The following H4C4 variants were observed in gnomAD, a reference collection of about 807,000 sequenced individuals.
The protein encoded by H4C4 is histone H4.
H4C4 carries 8 observed loss-of-function variants against 4.4 expected under a neutral mutation model. That is an observed-to-expected ratio of 1.81 (90% CI 1.06 to 3.27). The LOEUF (loss-of-function observed/expected upper bound fraction) is 3.27. Ranked by LOEUF, H4C4 falls within the 30% of genes most tolerant of loss-of-function variation. H4C4 has a pLI of 0.00. For missense variants in H4C4, 223 were observed against 148.9 expected (o/e 1.50, Z -2.59); for synonymous variants, 130 against 59.4 (o/e 2.19, Z -5.46).
chr6:26,189,094 T>A lies in H4C4; in HGVS notation c.-18A>T, dbSNP rs776818972. 1 of 1,560,460 alleles carries A rather than the reference T, an allele frequency of 6.4e-7. No homozygotes were observed. The highest frequency in any genetic ancestry group is 8.7e-7 in the Non-Finnish European group (1 of 1,151,884). On this transcript the variant is annotated 5_prime_UTR_variant, in exon 1 of 1. Transcript: ENST00000614247. ...CCAGACATCTTGAAACCACAGCTGT[T>A]AAATCTGTAACGCAATACGTCTGGC...
Position 26,188,997 on chromosome 6 carries a change from A to C in H4C4, c.80T>G (p.Ile27Ser), listed in dbSNP as rs750884941. Residue 27 changes from isoleucine to serine, a missense_variant, in exon 1 of 1, where the codon ATC (isoleucine) becomes AGC (serine). By Grantham distance (142) the Ile-to-Ser change is moderately radical. Transcript: ENST00000614247. ...KRHRKVLRDN[I>S]QGITKPAIRR... Reference sequence around the variant, plus strand: ...GATAGCGGGCTTGGTGATTCCTTGGATATTGTCACGCAATACCTTACGGTG... The same window carrying C: ...GATAGCGGGCTTGGTGATTCCTTGGCTATTGTCACGCAATACCTTACGGTG... 5.0e-5 allele frequency: 81 copies of C among 1,614,052 alleles called. 1 individual carries two copies. In the South Asian group the frequency reaches 8.3e-4, roughly 17 times the overall value.
In H4C4 at chr6:26,189,052, T is replaced by G. The variant is rs1461024103; in HGVS notation, c.25A>C (p.Lys9Gln). ...TTGGCGCCACCCTTACCTAGACCCT[T>G]TCCGCCCTTACCGCGGCCAGACATC... is the stretch of plus-strand genomic sequence containing the variant. MSGRGKGGKGLGKGGAKRH... is the reference protein window; with the variant it reads MSGRGKGGQGLGKGGAKRH... Residue 9 changes from lysine to glutamine, a missense_variant, in exon 1 of 1, where the codon AAG (lysine) becomes CAG (glutamine). Lys to Gln is a moderately conservative substitution (Grantham distance 53). Coordinates refer to ENST00000614247, the MANE Select transcript of H4C4 (RefSeq NM_003539.4). 4 of 1,593,298 alleles carry G rather than the reference T, an allele frequency of 2.5e-6. No homozygotes were observed. The highest frequency in any genetic ancestry group is 2.3e-5 in the East Asian group (1 of 44,428).
chr6:26,188,900 C>A lies in H4C4; in HGVS notation c.177G>T (p.Leu59=), dbSNP rs758536923. The A allele has an allele frequency of 7.4e-6, 12 of 1,614,112 alleles. No homozygotes were observed. In the South Asian group the frequency reaches 1.2e-4, roughly 16 times the overall value. ...GLIYEETRGV[L]KVFLENVIRD... ...GGATTACATTTTCCAGGAAAACTTT[C>A]AGCACTCCGCGAGTTTCCTCATAAA... Residue 59 remains leucine, a synonymous_variant, in exon 1 of 1, where the codon CTG becomes CTT. Transcript: ENST00000614247.
rs1197925493 is a variant in H4C4, at chr6:26,188,776, A to C, written c.301T>G (p.Phe101Val). The C allele has an allele frequency of 6.2e-7, 1 of 1,614,102 alleles. No individual in the cohort carries two copies. Among genetic ancestry groups the C allele is most frequent in the African/African-American group, 1.3e-5 (1 of 74,956 alleles). The change falls in exon 1 of 1, where the codon TTC becomes GTC. Residue 101 changes from phenylalanine (F) to valine (V), a missense_variant. By Grantham distance (50) the Phe-to-Val change is conservative. Coordinates refer to ENST00000614247, the MANE Select transcript of H4C4 (RefSeq NM_003539.4). Reference sequence around the variant, plus strand: ...CTGTAGAGGTAAGCTCAGCCGCCGAAGCCATAAAGAGTGCGTCCCTGGCGC... The same window carrying C: ...CTGTAGAGGTAAGCTCAGCCGCCGACGCCATAAAGAGTGCGTCCCTGGCGC... The part of the protein sequence containing the change: ...LKRQGRTLYG[F>V]GG
rs777048425 is a variant in H4C4, at chr6:26,188,721, G to T, written c.*44C>A. ...TTCTCCTGAGTGGATAGGTGGCCCT[G>T]AAAAGGGCCGTTGGTTTTGCGGTAG... On this transcript the variant is annotated 3_prime_UTR_variant, in exon 1 of 1. Coordinates refer to ENST00000614247, the MANE Select transcript of H4C4 (RefSeq NM_003539.4). 4 of 1,581,248 alleles carry T rather than the reference G, an allele frequency of 2.5e-6. No homozygotes were observed. In the African/African-American group the frequency reaches 5.4e-5, roughly 21 times the overall value.
In H4C4 at chr6:26,188,965, G is replaced by T. The variant is rs552478518; in HGVS notation, c.112C>A (p.Leu38Met). Residue 38 changes from leucine to methionine, a missense_variant, in exon 1 of 1, where the codon CTG becomes ATG. Coordinates refer to ENST00000614247, the MANE Select transcript of H4C4 (RefSeq NM_003539.4). Reference sequence around the variant, plus strand: ...CGCTTGACGCCGCCGCGGCGAGCCAGGCGGCGGATAGCGGGCTTGGTGATT... The same window carrying T: ...CGCTTGACGCCGCCGCGGCGAGCCATGCGGCGGATAGCGGGCTTGGTGATT... The part of the protein sequence containing the change: ...QGITKPAIRR[L>M]ARRGGVKRIS... 1 of 1,614,170 alleles carries T rather than the reference G, an allele frequency of 6.2e-7. No homozygotes were observed. Among genetic ancestry groups the T allele is most frequent in the South Asian group, 1.1e-5 (1 of 91,088 alleles).
rs1184300706 is a variant in H4C4 at position 26,189,008 on chromosome 6, C to T, written c.69G>A (p.Leu23=). ...KGGAKRHRKV[L]RDNIQGITKP... is the part of the protein sequence containing the mutation. ...TGGTGATTCCTTGGATATTGTCACG[C>T]AATACCTTACGGTGACGCTTGGCGC... Residue 23 remains leucine, a synonymous_variant, in exon 1 of 1, where the codon TTG becomes TTA. Transcript: ENST00000614247. 1.9e-6 allele frequency: 3 copies of T among 1,613,856 alleles called. No individual in the cohort carries two copies. The highest frequency in any genetic ancestry group is 2.7e-5 in the African/African-American group (2 of 74,996).
rs751583245 is a variant in H4C4, at chr6:26,188,995, G to A, written c.82C>T (p.Gln28Ter). Residue 28 changes from glutamine (Q) to a stop codon, truncating the protein, a stop_gained, in exon 1 of 1, where the codon CAA (glutamine) becomes TAA (stop). Coordinates refer to ENST00000614247, the MANE Select transcript of H4C4 (RefSeq NM_003539.4). LOFTEE classifies it high-confidence loss of function. ...CGGATAGCGGGCTTGGTGATTCCTT[G>A]GATATTGTCACGCAATACCTTACGG... ...RHRKVLRDNIQGITKPAIRRL... is the reference protein window; with the variant it reads ...RHRKVLRDNI 6.2e-6 allele frequency: 10 copies of A among 1,613,954 alleles called. No individual in the cohort carries two copies. Among genetic ancestry groups the A allele is most frequent in the African/African-American group, 1.3e-5 (1 of 74,880 alleles).
chr6:26,189,047 A>ACCCTTTCCG lies in H4C4; in HGVS notation c.21_29dup (p.Gly8_Gly10dup). Reference sequence around the variant, plus strand: ...GACGCTTGGCGCCACCCTTACCTAGACCCTTTCCGCCCTTACCGCGGCCAG... The same window carrying ACCCTTTCCG: ...GACGCTTGGCGCCACCCTTACCTAGACCCTTTCCGCCCTTTCCGCCCTTACCGCGGCCAG... On this transcript the variant is annotated inframe_insertion, in exon 1 of 1. Transcript: ENST00000614247. The ACCCTTTCCG allele has an allele frequency of 3.7e-6, 6 of 1,600,720 alleles. No homozygotes were observed. Among genetic ancestry groups the ACCCTTTCCG allele is most frequent in the Non-Finnish European group, 5.1e-6 (6 of 1,170,822 alleles).
At position 26,188,760 on chromosome 6, in the gene H4C4, T is replaced by G. The variant is rs1313109275; in HGVS notation, c.*5A>C. 1.2e-6 allele frequency: 2 copies of G among 1,614,062 alleles called. No homozygotes were observed. Among genetic ancestry groups the G allele is most frequent in the Non-Finnish European group, 8.5e-7 (1 of 1,179,984 alleles). ...GTTTTGCGGTAGTGTACTGTAGAGGTAAGCTCAGCCGCCGAAGCCATAAAG... is the reference window on the plus strand; with the variant it reads ...GTTTTGCGGTAGTGTACTGTAGAGGGAAGCTCAGCCGCCGAAGCCATAAAG... On this transcript the variant is annotated 3_prime_UTR_variant, in exon 1 of 1. Transcript: ENST00000614247.
Position 26,188,993 on chromosome 6 carries a change from T to G in H4C4, c.84A>C (p.Gln28His), listed in dbSNP as rs1412017435. 3.1e-6 allele frequency: 5 copies of G among 1,613,994 alleles called. No homozygotes were observed. Reference protein sequence around the residue: ...RHRKVLRDNIQGITKPAIRRL... With the variant: ...RHRKVLRDNIHGITKPAIRRL... ...GGCGGATAGCGGGCTTGGTGATTCC[T>G]TGGATATTGTCACGCAATACCTTAC... The change falls in exon 1 of 1, where the codon CAA becomes CAC. Residue 28 changes from glutamine to histidine, a missense_variant. By Grantham distance (24) the Gln-to-His change is conservative. Coordinates refer to ENST00000614247, the MANE Select transcript of H4C4 (RefSeq NM_003539.4).
At position 26,188,955 on chromosome 6, in the gene H4C4, CGG is replaced by C. The variant is rs1325131364; in HGVS notation, c.120_121del (p.Gly42ArgfsTer11). 1 of 1,614,160 alleles carries C rather than the reference CGG, an allele frequency of 6.2e-7. No homozygotes were observed. ...GCCAGAAATACGCTTGACGCCGCCGCGGCGAGCCAGGCGGCGGATAGCGGGCT... is the reference window on the plus strand; with the variant it reads ...GCCAGAAATACGCTTGACGCCGCCGCCGAGCCAGGCGGCGGATAGCGGGCT... On this transcript the variant is annotated frameshift_variant, in exon 1 of 1. Coordinates refer to ENST00000614247, the MANE Select transcript of H4C4 (RefSeq NM_003539.4). LOFTEE classifies it high-confidence loss of function.
Position 26,188,726 on chromosome 6 carries a change from G to A in H4C4, c.*39C>T, listed in dbSNP as rs373810094. The stretch of plus-strand genomic sequence containing the variant: ...CTGAGTGGATAGGTGGCCCTGAAAA[G>A]GGCCGTTGGTTTTGCGGTAGTGTAC... On this transcript the variant is annotated 3_prime_UTR_variant, in exon 1 of 1. Transcript: ENST00000614247. The A allele has an allele frequency of 5.0e-6, 8 of 1,592,018 alleles. No homozygotes were observed. In the Admixed American group the frequency reaches 7.1e-5, roughly 14 times the overall value.
In H4C4 at chr6:26,188,818, C is replaced by T. The variant is rs774501028; in HGVS notation, c.259G>A (p.Val87Met). The T allele has an allele frequency of 6.3e-5, 102 of 1,614,150 alleles. No homozygotes were observed. Among genetic ancestry groups the T allele is most frequent in the Non-Finnish European group, 8.4e-5 (99 of 1,180,052 alleles). ...AKRKTVTAMDVVYALKRQGRT... is the reference protein window; with the variant it reads ...AKRKTVTAMDMVYALKRQGRT... ...CCCTGGCGCTTGAGCGCGTACACCA[C>T]GTCCATGGCTGTGACTGTCTTGCGT... The change falls in exon 1 of 1, where the codon GTG becomes ATG. Residue 87 changes from valine to methionine, a missense_variant. Coordinates refer to ENST00000614247, the MANE Select transcript of H4C4 (RefSeq NM_003539.4).
Position 26,188,883 on chromosome 6 carries a change from T to C in H4C4, c.194A>G (p.Asn65Ser). ...GTAGGTGACAGCATCGCGGATTACA[T>C]TTTCCAGGAAAACTTTCAGCACTCC... ...TRGVLKVFLE[N>S]VIRDAVTYTE... is the part of the protein sequence containing the mutation. Residue 65 changes from asparagine (N) to serine (S), a missense_variant, in exon 1 of 1, where the codon AAT (asparagine) becomes AGT (serine). By Grantham distance (46) the Asn-to-Ser change is conservative. Transcript: ENST00000614247. The C allele has an allele frequency of 1.9e-6, 3 of 1,614,184 alleles. No individual in the cohort carries two copies. Among genetic ancestry groups the C allele is most frequent in the Non-Finnish European group, 2.5e-6 (3 of 1,180,012 alleles).
chr6:26,188,797 GGCGCTTGAGC>G lies in H4C4; in HGVS notation c.270_279del (p.Leu91ArgfsTer?). 6.2e-7 allele frequency: 1 copy of G among 1,614,252 alleles called. No homozygotes were observed. The highest frequency in any genetic ancestry group is 1.7e-4 in the Middle Eastern group (1 of 6,060). ...CCGAAGCCATAAAGAGTGCGTCCCT[GGCGCTTGAGC>G]GCGTACACCACGTCCATGGCTGTGA... On this transcript the variant is annotated frameshift_variant, in exon 1 of 1. Transcript: ENST00000614247. LOFTEE classifies it high-confidence loss of function.
In H4C4 at chr6:26,188,992, C is replaced by T. The variant is rs1305033649; in HGVS notation, c.85G>A (p.Gly29Arg). 7 of 1,614,130 alleles carry T rather than the reference C, an allele frequency of 4.3e-6. No homozygotes were observed. The highest frequency in any genetic ancestry group is 3.3e-5 in the Admixed American group (2 of 60,016). ...HRKVLRDNIQ[G>R]ITKPAIRRLA... ...CGGCGGATAGCGGGCTTGGTGATTCCTTGGATATTGTCACGCAATACCTTA... is the reference window on the plus strand; with the variant it reads ...CGGCGGATAGCGGGCTTGGTGATTCTTTGGATATTGTCACGCAATACCTTA... Residue 29 changes from glycine (G) to arginine (R), a missense_variant, in exon 1 of 1, where the codon GGA becomes AGA. By Grantham distance (125) the Gly-to-Arg change is moderately radical. Coordinates refer to ENST00000614247, the MANE Select transcript of H4C4 (RefSeq NM_003539.4).
At position 26,188,968 on chromosome 6, in the gene H4C4, G is replaced by A. The variant is rs1561977649; in HGVS notation, c.109C>T (p.Arg37Cys). Residue 37 changes from arginine (R) to cysteine (C), a missense_variant, in exon 1 of 1, where the codon CGC (arginine) becomes TGC (cysteine). Arg to Cys is a radical substitution (Grantham distance 180). Coordinates refer to ENST00000614247, the MANE Select transcript of H4C4 (RefSeq NM_003539.4). ...IQGITKPAIR[R>C]LARRGGVKRI... ...TTGACGCCGCCGCGGCGAGCCAGGC[G>A]GCGGATAGCGGGCTTGGTGATTCCT... 9 of 1,614,158 alleles carry A rather than the reference G, an allele frequency of 5.6e-6. No individual in the cohort carries two copies. The highest frequency in any genetic ancestry group is 2.2e-5 in the East Asian group (1 of 44,876).
Position 26,189,071 on chromosome 6 carries a change from A to T in H4C4, c.6T>A (p.Ser2=). The change falls in exon 1 of 1, where the codon TCT becomes TCA. Residue 2 remains serine (S), a synonymous_variant. Coordinates refer to ENST00000614247, the MANE Select transcript of H4C4 (RefSeq NM_003539.4). The part of the protein sequence containing the change: M[S]GRGKGGKGLG... Reference sequence around the variant, plus strand: ...GACCCTTTCCGCCCTTACCGCGGCCAGACATCTTGAAACCACAGCTGTTAA... The same window carrying T: ...GACCCTTTCCGCCCTTACCGCGGCCTGACATCTTGAAACCACAGCTGTTAA... The T allele has an allele frequency of 6.3e-7, 1 of 1,583,260 alleles. No homozygotes were observed. Among genetic ancestry groups the T allele is most frequent in the South Asian group, 1.1e-5 (1 of 88,754 alleles).
Sources: gnomAD v4.1 joint callset for allele counts on GRCh38, gnomAD v4.1.1 for gene constraint, MANE v1.5 for transcripts, NCBI Gene and HGNC (gene_info 2026-07-23, HGNC 2026-07-21) for gene names.